The following GLIS3 variants were observed in gnomAD, a reference collection of about 807,000 sequenced individuals.
GLIS3 encodes zinc finger protein GLIS3.
GLIS3 carries 53 observed loss-of-function variants against 78.6 expected under a neutral mutation model. That is an observed-to-expected ratio of 0.67 (90% CI 0.54 to 0.85). GLIS3 has a LOEUF of 0.85. GLIS3 is among the 40% of genes least tolerant of loss of function. The pLI, the probability that GLIS3 is intolerant of heterozygous loss-of-function variation, is 0.00. For missense variants in GLIS3, 1,703 were observed against 1,231.1 expected, an observed-to-expected ratio of 1.38 and a Z score of -5.74; for synonymous variants, 684 against 509.9, an observed-to-expected ratio of 1.34 and a Z score of -4.60.
At chr9:4,156,533 G>C (rs2131063015) in intron 2 of GLIS3, among the ~76,000 whole-genome samples, 1 of 152,328 alleles carries the variant, frequency 6.6e-6, no homozygotes, top group South Asian at 2.1e-4. Context: ...AGGGCACAGA[G>C]ATGCTTCAAG....
intron 6 of GLIS3, among the ~76,000 whole-genome samples, chr9:3,905,815 C>G (rs1823656858): frequency 1.3e-5 from 2 of 152,218 alleles, no homozygotes; most frequent in Non-Finnish European, 2.9e-5. Flanking sequence ...CCTTCCCTTT[C>G]TCTTCCTCTT....
intron 7 of GLIS3, among the ~76,000 whole-genome samples, chr9:3,898,102 ATCTTT>A (rs949284113): frequency 3.3e-5 from 5 of 152,188 alleles, no homozygotes; most frequent in African/African-American, 7.2e-5. Context: ...TGGTATATTA[ATCTTT>A]TCTTATTTTT....
intron 4 of GLIS3, among the ~76,000 whole-genome samples, chr9:4,065,645 T>C (rs1406367451): frequency 6.6e-6 from 1 of 152,194 alleles, no homozygotes; most frequent in Non-Finnish European, 1.5e-5. Context: ...AAAAAATAAG[T>C]AGCAAGTTCC....
intron 6 of GLIS3, among the ~76,000 whole-genome samples, chr9:3,906,645 A>T (rs1235046873): frequency 1.3e-5 from 2 of 152,146 alleles, no homozygotes; most frequent in African/African-American, 4.8e-5. Context: ...CCGGACCACG[A>T]ATACCAACTC....
At chr9:3,898,417 A>C in intron 7 of GLIS3, 1 of 472,972 alleles carries the variant, frequency 2.1e-6, no homozygotes, top group Admixed American at 3.3e-5. Context: ...TAAATGTAAC[A>C]TAACTGCGAG....
intron 5 of GLIS3, among the ~76,000 whole-genome samples, chr9:3,936,368 A>G (rs662628): frequency 0.29 from 43,514 of 152,138 alleles, 6,402 homozygotes; most frequent in Non-Finnish European, 0.32. Flanking sequence ...ATGTTGTAGC[A>G]TTAAGGGACT....
At chr9:4,253,178 G>T (rs940008241) in intron 2 of GLIS3, among the ~76,000 whole-genome samples, 1 of 152,248 alleles carries the variant, frequency 6.6e-6, no homozygotes, top group East Asian at 1.9e-4. Flanking sequence ...GAGCCGGCAG[G>T]CAGGAACGTT....
At chr9:3,953,789 C>CA (rs1816874391) in intron 4 of GLIS3, among the ~76,000 whole-genome samples, 6 of 45,520 alleles carry the variant, frequency 1.3e-4, no homozygotes, top group African/African-American at 4.6e-4. Context: ...CTCTCTCTCT[C>CA]TCTCTCTATA....
chr9:4,095,477 G>A (rs77800172), intron 4 of GLIS3, among the ~76,000 whole-genome samples: 1,792 of 152,282 alleles, frequency 0.012, 33 homozygotes, highest in African/African-American at 0.041. Context: ...GACTAGATTG[G>A]GAGGGTTGCA....
chr9:3,829,531 G>A (rs376222512), intron 9 of GLIS3, 39 bp from the exon 10 acceptor site: 16 of 1,608,668 alleles, frequency 9.9e-6, no homozygotes, highest in Non-Finnish European at 1.4e-5. Flanking sequence ...AGTTCCTTTG[G>A]GCACAAGTTC....
intron 2 of GLIS3, among the ~76,000 whole-genome samples, chr9:4,191,602 T>C (rs1381590766): frequency 6.6e-6 from 1 of 152,222 alleles, no homozygotes; most frequent in Non-Finnish European, 1.5e-5. Context: ...TCATTCTTAT[T>C]AACTTCATTT....
At chr9:4,289,410 G>A (rs549747927) in intron 1 of GLIS3, among the ~76,000 whole-genome samples, 8 of 152,222 alleles carry the variant, frequency 5.3e-5, no homozygotes, top group African/African-American at 1.7e-4. Flanking sequence ...ATCAAAGTGC[G>A]AGCTGATAGA....
chr9:3,963,162 AAGACT>A (rs1223976254), intron 4 of GLIS3, among the ~76,000 whole-genome samples: 3 of 152,202 alleles, frequency 2.0e-5, no homozygotes, highest in Non-Finnish European at 2.9e-5. Flanking sequence ...TGTTCTTTGA[AAGACT>A]TATTTTTGTG....
the GLIS3 span, among the ~76,000 whole-genome samples, chr9:4,484,209 G>A: frequency 4.0e-5 from 6 of 151,752 alleles, no homozygotes; most frequent in East Asian, 1.2e-3. Flanking sequence ...GTTCATTCCT[G>A]GGCATAAGCC....
At chr9:4,250,299 T>C (rs1168431648) in intron 2 of GLIS3, among the ~76,000 whole-genome samples, 1 of 152,210 alleles carries the variant, frequency 6.6e-6, no homozygotes, top group African/African-American at 2.4e-5. Context: ...CAGAATTTGT[T>C]ATTGACCTAC....
the GLIS3 span, among the ~76,000 whole-genome samples, chr9:4,431,144 G>A: frequency 6.6e-6 from 1 of 152,180 alleles, no homozygotes; most frequent in Non-Finnish European, 1.5e-5. Flanking sequence ...CACCCTTCAT[G>A]AAAGTTATTT....
chr9:4,103,086 C>T (rs542351828), intron 4 of GLIS3, among the ~76,000 whole-genome samples: 24 of 152,236 alleles, frequency 1.6e-4, no homozygotes, highest in Non-Finnish European at 4.4e-5. Flanking sequence ...TAGACATGAA[C>T]ATCATAAAAT....
At chr9:4,442,855 G>T in the GLIS3 span, among the ~76,000 whole-genome samples, 1 of 151,644 alleles carries the variant, frequency 6.6e-6, no homozygotes, top group African/African-American at 2.4e-5. Context: ...AAGTTTTGAA[G>T]TTGCCTCTGT....
chr9:4,030,913 A>T lies in GLIS3; in HGVS notation c.1710+86855T>A, dbSNP rs533365773. Among the ~76,000 whole-genome samples the T allele has an allele frequency of 3.3e-5, 5 of 152,368 alleles. No individual in the cohort carries two copies. In the East Asian group the frequency reaches 9.6e-4, roughly 29 times the overall value. ...AAAGCTGCTCAAAAAGATGCTCGGC[A>T]TCATTAGTCACTAGGAAAATCCAAA... On this transcript the variant is annotated intron_variant, in intron 4 of 10. Transcript: ENST00000381971.
Sources: gnomAD v4.1 joint callset for allele counts (sites outside exome capture counted in the v4.1 genomes callset) on GRCh38, gnomAD v4.1.1 for gene constraint, MANE v1.5 for transcripts, NCBI Gene and HGNC (gene_info 2026-07-23, HGNC 2026-07-21) for gene names.